The following FBXO25 variants were observed in gnomAD, a reference collection of about 807,000 sequenced individuals.
The protein encoded by FBXO25 is F-box protein 25.
FBXO25 carries 45 observed loss-of-function variants against 51.9 expected under a neutral mutation model. The ratio of observed to expected loss-of-function variants is 0.87; its 90% CI spans 0.68 to 1.11. The LOEUF is 1.11. Among genes scored for constraint, FBXO25 ranks in the 50% most tolerant of loss-of-function variants. The pLI, the probability that FBXO25 is intolerant of heterozygous loss-of-function variation, is 0.00. For synonymous variants in FBXO25, 199 were observed against 151.0 expected, an observed-to-expected ratio of 1.32 and a Z score of -2.33; for missense variants, 507 against 428.5, an observed-to-expected ratio of 1.18 and a Z score of -1.62.
At position 468,618 on chromosome 8, in the gene FBXO25, G is replaced by GTCCA. The variant is rs755429854; in HGVS notation, c.988-96_988-93dup. Reference sequence around the variant, plus strand: ...ATGTACCTCTGAGGTGGGGCCCAGGGTCCACATCAACAAGCAGCTGACGAC... The same window carrying GTCCA: ...ATGTACCTCTGAGGTGGGGCCCAGGGTCCATCCACATCAACAAGCAGCTGACGAC... On this transcript the variant is annotated intron_variant, in intron 9 of 9. Coordinates refer to ENST00000350302, the MANE Select transcript of FBXO25 (RefSeq NM_183420.2). 20 of 878,064 alleles carry GTCCA rather than the reference G, an allele frequency of 2.3e-5. No individual in the cohort carries two copies. The Middle Eastern group carries it at 1.5e-3, about 65-fold the overall frequency. The allele number at this position is 878,064 out of a possible 1,614,324, so 54.4% of individuals were successfully genotyped here.
At chr8:451,542 G>A (rs907174251) in intron 7 of FBXO25, 89 bp downstream of exon 7, 9 of 1,245,250 alleles carry the variant, frequency 7.2e-6, no homozygotes, top group African/African-American at 6.1e-5. Flanking sequence ...GACTGCTATA[G>A]CTTTTTGAAA....
In FBXO25 at chr8:475,169, C is replaced by A. The variant is rs1038925536; in HGVS notation, c.*6365C>A. On this transcript the variant is annotated 3_prime_UTR_variant, in exon 10 of 10. Transcript: ENST00000350302. ...GGTAGATCTAGCTTCATGTGGATGT[C>A]CACTTGTCTAGCACCATTTGTTGAA... is the stretch of plus-strand genomic sequence containing the variant. 1 of 346,368 alleles carries A rather than the reference C, an allele frequency of 2.9e-6. No individual in the cohort carries two copies. The highest frequency in any genetic ancestry group is 2.3e-5 in the South Asian group (1 of 43,004). The allele number at this position is 346,368 out of a possible 1,614,324, so 21.5% of individuals were successfully genotyped here.
chr8:441,638 C>T (rs190270301), intron 5 of FBXO25, among the ~76,000 whole-genome samples: 2,065 of 152,184 alleles, frequency 0.014, 35 homozygotes, highest in African/African-American at 0.048. Context: ...GGCTAACATC[C>T]AGAATCTACA....
At chr8:441,198 C>T (rs186567207) in intron 5 of FBXO25, among the ~76,000 whole-genome samples, 2 of 152,120 alleles carry the variant, frequency 1.3e-5, no homozygotes, top group African/African-American at 4.8e-5. Context: ...ACAGAGGCCT[C>T]AGAAATAACG....
Position 475,251 on chromosome 8 carries a change from T to C in FBXO25, c.*6447T>C. Reference sequence around the variant, plus strand: ...GCACCATCAAAAATCATTTGACCCATATGTGCAAGGGTTTATTTGGGGATT... The same window carrying C: ...GCACCATCAAAAATCATTTGACCCACATGTGCAAGGGTTTATTTGGGGATT... On this transcript the variant is annotated 3_prime_UTR_variant, in exon 10 of 10. Coordinates refer to ENST00000350302, the MANE Select transcript of FBXO25 (RefSeq NM_183420.2). 1 of 268,388 alleles carries C rather than the reference T, an allele frequency of 3.7e-6. No homozygotes were observed. Among genetic ancestry groups the C allele is most frequent in the East Asian group, 1.1e-4 (1 of 9,374 alleles). The allele number at this position is 268,388 out of a possible 1,614,324, so 16.6% of individuals were successfully genotyped here.
intron 9 of FBXO25, among the ~76,000 whole-genome samples, chr8:466,351 C>G (rs1045305427): frequency 6.6e-6 from 1 of 152,140 alleles, no homozygotes; most frequent in East Asian, 1.9e-4. Context: ...CTCCTAGGGT[C>G]TTGGTTTGAC....
At chr8:467,579 G>A in intron 9 of FBXO25, 1 of 837,008 alleles carries the variant, frequency 1.2e-6, no homozygotes, top group Non-Finnish European at 1.9e-6. Context: ...TTAGTTACCT[G>A]ATGTTTTTAG....
intron 2 of FBXO25, among the ~76,000 whole-genome samples, chr8:422,591 A>C (rs184032098): frequency 6.6e-6 from 1 of 152,266 alleles, no homozygotes; most frequent in Admixed American, 6.5e-5. Flanking sequence ...CTATGGCTGC[A>C]TGAAGGTGGG....
intron 5 of FBXO25, among the ~76,000 whole-genome samples, chr8:445,735 G>T (rs7008517): frequency 1.3e-5 from 2 of 152,158 alleles, no homozygotes; most frequent in Non-Finnish European, 2.9e-5. Flanking sequence ...ACCGGGCATG[G>T]TGGCATGCAC....
chr8:454,413 C>T (rs1021467854), intron 7 of FBXO25, among the ~76,000 whole-genome samples: 7 of 152,186 alleles, frequency 4.6e-5, no homozygotes, highest in African/African-American at 4.8e-5. Flanking sequence ...CCCATGTGCT[C>T]GCTGGGCCCA....
intron 2 of FBXO25, among the ~76,000 whole-genome samples, chr8:413,793 T>C (rs1389912807): frequency 6.6e-6 from 1 of 152,158 alleles, no homozygotes; most frequent in East Asian, 1.9e-4. Context: ...GTTACATGCA[T>C]CACGTTGCCC....
chr8:456,081 T>TA (rs1203623313), intron 7 of FBXO25, among the ~76,000 whole-genome samples: 1 of 152,250 alleles, frequency 6.6e-6, no homozygotes, highest in Non-Finnish European at 1.5e-5. Flanking sequence ...AGAATATTTG[T>TA]AAACTACTGT....
At chr8:464,499 G>T (rs1274749697) in intron 9 of FBXO25, among the ~76,000 whole-genome samples, 2 of 152,184 alleles carry the variant, frequency 1.3e-5, no homozygotes, top group African/African-American at 4.8e-5. Flanking sequence ...GGCTGTCTCT[G>T]CCTCTTGCCT....
chr8:421,902 G>T (rs1243361577), intron 2 of FBXO25, among the ~76,000 whole-genome samples: 2 of 152,156 alleles, frequency 1.3e-5, no homozygotes, highest in African/African-American at 4.8e-5. Context: ...GACAACAGTA[G>T]TAATGGATTA....
chr8:439,840 G>A (rs1044226087), intron 5 of FBXO25, among the ~76,000 whole-genome samples: 1 of 152,216 alleles, frequency 6.6e-6, no homozygotes, highest in African/African-American at 2.4e-5. Context: ...GGCTGAGGCA[G>A]GAGGATAACT....
At chr8:443,450 G>C (rs1420338266) in intron 5 of FBXO25, among the ~76,000 whole-genome samples, 11 of 151,802 alleles carry the variant, frequency 7.2e-5, no homozygotes, top group Non-Finnish European at 1.0e-4. Context: ...TAACAGTTTA[G>C]TTTCAGATAA....
chr8:456,547 G>T (rs1258431841), intron 7 of FBXO25, among the ~76,000 whole-genome samples: 1 of 152,190 alleles, frequency 6.6e-6, no homozygotes, highest in Non-Finnish European at 1.5e-5. Context: ...CAGCTCCATA[G>T]CCTACAACAG....
intron 5 of FBXO25, 39 bp downstream of exon 5, chr8:435,746 T>C (rs1203846682): frequency 1.9e-6 from 3 of 1,559,822 alleles, no homozygotes; most frequent in African/African-American, 1.4e-5. Context: ...GATGACTCTT[T>C]TGAACAACTA....
intron 5 of FBXO25, among the ~76,000 whole-genome samples, chr8:442,693 C>T (rs1379615011): frequency 1.3e-5 from 2 of 152,172 alleles, no homozygotes; most frequent in Non-Finnish European, 2.9e-5. Flanking sequence ...TGGTCTTGAA[C>T]TCCTGACCTC....
Sources: allele counts gnomAD v4.1 joint callset (sites outside exome capture counted in the v4.1 genomes callset), GRCh38; gene constraint gnomAD v4.1.1; transcripts MANE v1.5; gene names NCBI Gene and HGNC (gene_info 2026-07-23, HGNC 2026-07-21).